The following NIBAN2 variants were observed in gnomAD, a reference collection of about 807,000 sequenced individuals.
NIBAN2 encodes the protein niban apoptosis regulator 2, also known as protein Niban 2.
A neutral mutation model predicts 81.8 loss-of-function variants in NIBAN2; 36 were observed. The ratio of observed to expected loss-of-function variants is 0.44; its 90% CI spans 0.34 to 0.58. The LOEUF (loss-of-function observed/expected upper bound fraction) is 0.58. Ranked by LOEUF, NIBAN2 falls within the 20% of genes least tolerant of loss-of-function variation. NIBAN2 has a pLI of 0.02. For synonymous variants in NIBAN2, 445 were observed against 441.6 expected, an observed-to-expected ratio of 1.01 and a Z score of -0.10; for missense variants, 897 against 1,014.1, an observed-to-expected ratio of 0.88 and a Z score of 1.57.
intron 9 of NIBAN2, 82 bp from the exon 10 acceptor site, chr9:127,509,213 C>A: frequency 7.2e-7 from 1 of 1,382,496 alleles, no homozygotes; most frequent in South Asian, 1.4e-5. Context: ...CCTGGGTCCT[C>A]GAAGTCCAGG....
intron 1 of NIBAN2, among the ~76,000 whole-genome samples, chr9:127,564,661 T>C (rs1837827778): frequency 6.6e-6 from 1 of 152,030 alleles, no homozygotes; most frequent in Non-Finnish European, 1.5e-5. Context: ...TCACCTGAGG[T>C]CAGGAGTTCA....
intron 1 of NIBAN2, among the ~76,000 whole-genome samples, chr9:127,542,323 T>C (rs1220284861): frequency 6.6e-6 from 1 of 152,042 alleles, no homozygotes; most frequent in Non-Finnish European, 1.5e-5. Context: ...GCCCTCCACC[T>C]ATTCCCGCAG....
At position 127,507,400 on chromosome 9, in the gene NIBAN2, G is replaced by A. The variant is rs1344321230; in HGVS notation, c.1686C>T (p.His562=). Residue 562 remains histidine (H), a synonymous_variant, in exon 14 of 14, where the codon CAC becomes CAT. Transcript: ENST00000373312. This position sits in a 1 kb window ranked among gnomAD's most constrained non-coding sequence, Gnocchi z 6.8. ...AVKEAAVQRK[H]NLYRDSMVMH... is the part of the protein sequence containing the mutation. ...TGACCATGCTGTCCCGGTAGAGGTT[G>A]TGCTTCCTCTGCACCGCGGCCTCCT... 1 of 1,518,396 alleles carries A rather than the reference G, an allele frequency of 6.6e-7. No individual in the cohort carries two copies. Among genetic ancestry groups the A allele is most frequent in the African/African-American group, 1.4e-5 (1 of 71,878 alleles). The allele number at this position is 1,518,396 out of a possible 1,614,324, so 94.1% of individuals were successfully genotyped here. A position where few individuals can be genotyped will look rare whatever the true frequency, so the allele number is the denominator to read the frequency against.
intron 1 of NIBAN2, among the ~76,000 whole-genome samples, chr9:127,549,657 A>G (rs1837540970): frequency 6.6e-6 from 1 of 152,222 alleles, no homozygotes; most frequent in Admixed American, 6.5e-5. Flanking sequence ...AGAAGAGAAC[A>G]AGAAAGATGA....
intron 1 of NIBAN2, among the ~76,000 whole-genome samples, chr9:127,549,877 G>A (rs1390047460): frequency 6.6e-6 from 1 of 152,148 alleles, no homozygotes; most frequent in Non-Finnish European, 1.5e-5. Context: ...AGGCTCCAGA[G>A]GGGGCCAGAA....
intron 2 of NIBAN2, among the ~76,000 whole-genome samples, chr9:127,529,365 G>A (rs1225138551): frequency 1.3e-5 from 2 of 152,252 alleles, no homozygotes; most frequent in Non-Finnish European, 2.9e-5. Context: ...TTAGCCGGGC[G>A]CTGTGGCTCA....
At position 127,576,957 on chromosome 9, in the gene NIBAN2, C is replaced by G. The variant is rs193270521; in HGVS notation, c.16+1965G>C. 8.1e-3 allele frequency among the ~76,000 whole-genome samples: 1,225 copies of G among 151,760 alleles called. 15 individuals carry two copies. The highest frequency in any genetic ancestry group is 0.028 in the African/African-American group (1,149 of 41,456). Reference sequence around the variant, plus strand: ...CCACCTGCCTCGGCCTCCCAAAGTGCTGGGATTACAGGTGTAAGGCACCAT... The same window carrying G: ...CCACCTGCCTCGGCCTCCCAAAGTGGTGGGATTACAGGTGTAAGGCACCAT... On this transcript the variant is annotated intron_variant, in intron 1 of 13. Coordinates refer to the NIBAN2 transcript ENST00000373314.
At position 127,523,638 on chromosome 9, in the gene NIBAN2, G is replaced by A. The variant is rs766833750; in HGVS notation, c.589+41C>T. 2.5e-6 allele frequency: 4 copies of A among 1,585,140 alleles called. No homozygotes were observed. The South Asian group carries it at 3.3e-5, about 13-fold the overall frequency. ...ACCATTCAGCAATAACCCAGGTCCTGCCCCTCCCTCCCACCGACCCTGCAC... is the reference window on the plus strand; with the variant it reads ...ACCATTCAGCAATAACCCAGGTCCTACCCCTCCCTCCCACCGACCCTGCAC... On this transcript the variant is annotated intron_variant, in intron 5 of 13. Transcript: ENST00000373312.
At chr9:127,523,484 C>A (rs1836999463) in intron 5 of NIBAN2, among the ~76,000 whole-genome samples, 195 bp downstream of exon 5, 1 of 151,688 alleles carries the variant, frequency 6.6e-6, no homozygotes, top group Admixed American at 6.6e-5. Context: ...TTTTCCTGAG[C>A]AGCACAAAAC....
rs1837449900 is a variant in NIBAN2, at chr9:127,545,241, C to A, written c.56-13463G>T. Among the ~76,000 whole-genome samples the A allele has an allele frequency of 6.6e-6, 1 of 152,138 alleles. No individual in the cohort carries two copies. On this transcript the variant is annotated intron_variant, in intron 1 of 13. Coordinates refer to ENST00000373312, the MANE Select transcript of NIBAN2 (RefSeq NM_022833.4). The surrounding 1 kb of genome is among the most constrained non-coding windows in gnomAD (Gnocchi z 4.7). Reference sequence around the variant, plus strand: ...CAAGTGCCACCTCCTCGGAACCCTCCCTCCAGACAAGTCCCGGCCTCCCAG... The same window carrying A: ...CAAGTGCCACCTCCTCGGAACCCTCACTCCAGACAAGTCCCGGCCTCCCAG...
At chr9:127,529,665 G>A (rs2132185828) in intron 2 of NIBAN2, among the ~76,000 whole-genome samples, 1 of 151,922 alleles carries the variant, frequency 6.6e-6, no homozygotes, top group Middle Eastern at 3.4e-3. Flanking sequence ...AAAGACAACT[G>A]CTGTTTTATT....
intron 1 of NIBAN2, among the ~76,000 whole-genome samples, chr9:127,540,113 C>T (rs1248587782): frequency 1.3e-5 from 2 of 152,220 alleles, no homozygotes; most frequent in African/African-American, 4.8e-5. Flanking sequence ...GAGCATGCAG[C>T]CTGGCCCACC....
At chr9:127,525,808 GCTAT>G (rs1182962383) in intron 3 of NIBAN2, among the ~76,000 whole-genome samples, 2 of 152,152 alleles carry the variant, frequency 1.3e-5, no homozygotes, top group African/African-American at 2.4e-5. Flanking sequence ...ATGAACCAGG[GCTAT>G]CTATCTCCAG....
At chr9:127,546,723 G>A (rs763956302) in intron 1 of NIBAN2, among the ~76,000 whole-genome samples, 12 of 152,276 alleles carry the variant, frequency 7.9e-5, no homozygotes, top group African/African-American at 1.4e-4. Context: ...GCTTCATCAC[G>A]ATGGCCAAGA....
chr9:127,514,909 ATCCCAG>A (rs1836796527), intron 8 of NIBAN2, among the ~76,000 whole-genome samples: 1 of 152,218 alleles, frequency 6.6e-6, no homozygotes, highest in Non-Finnish European at 1.5e-5. Context: ...CATGCCTGTA[ATCCCAG>A]TGCTTTGGGA....
chr9:127,531,887 A>C, intron 1 of NIBAN2, 109 bp from the exon 2 acceptor site: 1 of 1,478,936 alleles, frequency 6.8e-7, no homozygotes, highest in Non-Finnish European at 9.2e-7. Flanking sequence ...TGCATGTGGA[A>C]TTGTTTGCAC....
intron 1 of NIBAN2, among the ~76,000 whole-genome samples, chr9:127,575,849 T>TC (rs778281102): frequency 2.6e-5 from 4 of 152,196 alleles, no homozygotes; most frequent in Non-Finnish European, 5.9e-5. Flanking sequence ...TGGATTTTTT[T>TC]CCCGCATCTT....
At chr9:127,523,615 C>T in intron 5 of NIBAN2, 64 bp downstream of exon 5, 3 of 1,535,686 alleles carry the variant, frequency 2.0e-6, no homozygotes, top group Non-Finnish European at 2.7e-6. Context: ...TAGGTGTCAC[C>T]ATTCAGCAAT....
Position 127,536,226 on chromosome 9 carries a change from G to C in NIBAN2, c.56-4448C>G, listed in dbSNP as rs761773410. On this transcript the variant is annotated intron_variant, in intron 1 of 13. Coordinates refer to ENST00000373312, the MANE Select transcript of NIBAN2 (RefSeq NM_022833.4). The surrounding 1 kb of genome is among the most constrained non-coding windows in gnomAD (Gnocchi z 4.0). ...GAGGACTCGGGTGCTGGGGACCCCA[G>C]GTGTGGAGGCCAGAGGGACCCAAAA... Among the ~76,000 whole-genome samples the C allele has an allele frequency of 5.3e-5, 8 of 152,312 alleles. No homozygotes were observed. Among genetic ancestry groups the C allele is most frequent in the Admixed American group, 3.3e-4 (5 of 15,300 alleles).
Sources: allele counts gnomAD v4.1 joint callset (sites outside exome capture counted in the v4.1 genomes callset), GRCh38; gene constraint gnomAD v4.1.1; non-coding constraint Gnocchi (gnomAD v3.1); transcripts MANE v1.5; gene names NCBI Gene and HGNC (gene_info 2026-07-23, HGNC 2026-07-21).